Variants in CCDC126 observed in about 807,000 individuals in gnomAD.
CCDC126 encodes coiled-coil domain-containing protein 126.
In CCDC126, 5 loss-of-function variants were observed where a neutral mutation model predicts 11.7. That is an observed-to-expected ratio of 0.43 (90% CI 0.22 to 0.90). The LOEUF is 0.90. CCDC126 is among the 40% of genes least tolerant of loss of function. The pLI, the probability that CCDC126 is intolerant of heterozygous loss-of-function variation, is 0.27. For missense variants in CCDC126, 150 were observed against 163.1 expected (o/e 0.92, Z 0.44); for synonymous variants, 60 against 61.9 (o/e 0.97, Z 0.14).
intron 2 of CCDC126, among the ~76,000 whole-genome samples, chr7:23,606,629 C>A (rs1196077746): frequency 6.6e-6 from 1 of 152,118 alleles, no homozygotes; most frequent in Non-Finnish European, 1.5e-5. Flanking sequence ...AGTGTGTCCC[C>A]TCTCCTTAGT....
At chr7:23,626,943 A>G (rs979854810) in intron 3 of CCDC126, among the ~76,000 whole-genome samples, 3 of 152,014 alleles carry the variant, frequency 2.0e-5, no homozygotes, top group Non-Finnish European at 4.4e-5. Flanking sequence ...CTTTTCCTCC[A>G]CATTCTTAGT....
Position 23,638,016 on chromosome 7 carries a change from C to A in CCDC126, c.239-4915C>A, listed in dbSNP as rs1275099466. Among the ~76,000 whole-genome samples the A allele has an allele frequency of 6.2e-5, 8 of 129,660 alleles. 1 individual carries two copies. The highest frequency in any genetic ancestry group is 1.0e-4 in the Non-Finnish European group (6 of 59,090). The allele number at this position is 129,660 out of a possible 152,430, so 85.1% of individuals were successfully genotyped here. On this transcript the variant is annotated intron_variant, in intron 3 of 3. Coordinates refer to ENST00000307471, the MANE Select transcript of CCDC126 (RefSeq NM_138771.4). Reference sequence around the variant, plus strand: ...GCCGCCCTATCCAGGAGGTGAGGAGCGCCTCTGCCCGGCCGCCCCTACTGG... The same window carrying A: ...GCCGCCCTATCCAGGAGGTGAGGAGAGCCTCTGCCCGGCCGCCCCTACTGG...
At chr7:23,610,445 C>T (rs1260673660) in intron 2 of CCDC126, among the ~76,000 whole-genome samples, 2 of 152,154 alleles carry the variant, frequency 1.3e-5, no homozygotes, top group Non-Finnish European at 2.9e-5. Flanking sequence ...AACTCCTGGG[C>T]TCTAGGGATA....
At chr7:23,626,604 C>G (rs1783020307) in intron 3 of CCDC126, among the ~76,000 whole-genome samples, 1 of 151,934 alleles carries the variant, frequency 6.6e-6, no homozygotes, top group Non-Finnish European at 1.5e-5. Flanking sequence ...TTATATCATC[C>G]AGGTACTGAG....
intron 3 of CCDC126, among the ~76,000 whole-genome samples, chr7:23,630,814 G>T (rs1341285390): frequency 8.5e-6 from 1 of 117,408 alleles, no homozygotes; most frequent in East Asian, 2.7e-4. Context: ...AAACTTAAAA[G>T]AATTGAAATC....
chr7:23,622,676 G>A (rs1413753594), intron 3 of CCDC126: 1 of 532,860 alleles, frequency 1.9e-6, no homozygotes, highest in African/African-American at 1.9e-5. Flanking sequence ...CTATGCAGAT[G>A]ACTGCTTAGT....
At chr7:23,605,044 A>G (rs889078173) in intron 2 of CCDC126, among the ~76,000 whole-genome samples, 3 of 151,680 alleles carry the variant, frequency 2.0e-5, no homozygotes, top group African/African-American at 4.8e-5. Flanking sequence ...TTGTGGCTAG[A>G]GTGGGATAGG....
chr7:23,637,221 G>A (rs1783246276), intron 3 of CCDC126, among the ~76,000 whole-genome samples: 1 of 53,036 alleles, frequency 1.9e-5, no homozygotes, highest in African/African-American at 7.8e-5. Flanking sequence ...TCAGCCCCCC[G>A]CCCGGCCGGC....
intron 3 of CCDC126, among the ~76,000 whole-genome samples, chr7:23,641,451 G>A (rs1199627713): frequency 6.6e-6 from 1 of 152,064 alleles, no homozygotes; most frequent in African/African-American, 2.4e-5. Flanking sequence ...CCATTCTATA[G>A]GTTGTCTTTT....
intron 3 of CCDC126, among the ~76,000 whole-genome samples, chr7:23,618,531 C>G (rs1009370448): frequency 4.9e-5 from 7 of 143,896 alleles, no homozygotes; most frequent in Non-Finnish European, 1.0e-4. Context: ...AGACAAAGAT[C>G]AGCTAAATTT....
chr7:23,642,023 G>GT (rs1224600275), intron 3 of CCDC126, among the ~76,000 whole-genome samples: 1 of 151,916 alleles, frequency 6.6e-6, no homozygotes, highest in Non-Finnish European at 1.5e-5. Flanking sequence ...TTGGTTTTTT[G>GT]TTTTTTGAGA....
At chr7:23,624,490 G>GT (rs1428516511) in intron 3 of CCDC126, among the ~76,000 whole-genome samples, 1 of 152,130 alleles carries the variant, frequency 6.6e-6, no homozygotes, top group Non-Finnish European at 1.5e-5. Flanking sequence ...CAGAGCAGAG[G>GT]TAATTTCAGT....
intron 3 of CCDC126, among the ~76,000 whole-genome samples, chr7:23,638,086 G>T (rs1434083691): frequency 7.3e-6 from 1 of 137,106 alleles, no homozygotes; most frequent in Non-Finnish European, 1.6e-5. Flanking sequence ...CGTCCGGGAG[G>T]GTGGTGGGGG....
At chr7:23,605,072 T>C (rs1782600326) in intron 2 of CCDC126, among the ~76,000 whole-genome samples, 1 of 152,072 alleles carries the variant, frequency 6.6e-6, no homozygotes, top group African/African-American at 2.4e-5. Context: ...GTGCAACTTT[T>C]TGAAAACATT....
intron 3 of CCDC126, among the ~76,000 whole-genome samples, chr7:23,620,705 G>GT (rs1243750970): frequency 6.6e-6 from 1 of 152,152 alleles, no homozygotes; most frequent in Non-Finnish European, 1.5e-5. Flanking sequence ...GGTTTTTATG[G>GT]TTTTAGGTCT....
intron 3 of CCDC126, among the ~76,000 whole-genome samples, chr7:23,637,887 G>A (rs1184284193): frequency 4.3e-3 from 435 of 100,090 alleles, no homozygotes; most frequent in Non-Finnish European, 5.3e-3. Flanking sequence ...GGGAGGTGAG[G>A]GGCGCCTCTG....
intron 3 of CCDC126, among the ~76,000 whole-genome samples, chr7:23,623,381 GA>G (rs2128018675): frequency 6.6e-6 from 1 of 152,166 alleles, no homozygotes; most frequent in Non-Finnish European, 1.5e-5. Context: ...CGGATCACCT[GA>G]GGTCAGGAGT....
At chr7:23,625,649 ATTTTTTTT>A (rs34492140) in intron 3 of CCDC126, among the ~76,000 whole-genome samples, 10 of 77,142 alleles carry the variant, frequency 1.3e-4, no homozygotes, top group South Asian at 4.0e-4. Context: ...TATTTGACTG[ATTTTTTTT>A]TTTTTTTTTT....
chr7:23,640,243 A>G (rs899626971), intron 3 of CCDC126, among the ~76,000 whole-genome samples: 5 of 151,646 alleles, frequency 3.3e-5, no homozygotes, highest in Admixed American at 1.3e-4. Flanking sequence ...TATGTCTGTA[A>G]TCCCAGCACT....
Sources: gnomAD v4.1 joint callset for allele counts (sites outside exome capture counted in the v4.1 genomes callset) on GRCh38, gnomAD v4.1.1 for gene constraint, MANE v1.5 for transcripts, NCBI Gene and HGNC (gene_info 2026-07-23, HGNC 2026-07-21) for gene names.